The following MINK1 variants were observed in gnomAD, a reference collection of about 807,000 sequenced individuals.
MINK1 encodes the protein misshapen-like kinase 1.
In MINK1, 46 loss-of-function variants were observed where a neutral mutation model predicts 178.4. The observed-to-expected ratio is 0.26, with a 90% CI of 0.20 to 0.33. The LOEUF is 0.33. Ranked by LOEUF, MINK1 falls within the 10% of genes least tolerant of loss-of-function variation. The pLI, the probability that MINK1 is intolerant of heterozygous loss-of-function variation, is 1.00. For missense variants in MINK1, 1,366 were observed against 1,814.9 expected (o/e 0.75, Z 4.49); for synonymous variants, 797 against 709.7 (o/e 1.12, Z -1.96).
At chr17:4,863,213 G>A (rs1026916704) in intron 1 of MINK1, among the ~76,000 whole-genome samples, 2 of 152,176 alleles carry the variant, frequency 1.3e-5, no homozygotes, top group African/African-American at 4.8e-5. Context: ...GCTAGAGTCA[G>A]TTGGTCACTC....
At chr17:4,864,206 C>G (rs974693622) in intron 1 of MINK1, among the ~76,000 whole-genome samples, 1 of 150,286 alleles carries the variant, frequency 6.7e-6, no homozygotes, top group Non-Finnish European at 1.5e-5. Context: ...TCGAGACCAG[C>G]CTGACCGACA....
At chr17:4,889,866 TTCC>T (rs1382034431) in intron 13 of MINK1, 103 bp downstream of exon 13, 2 of 751,150 alleles carry the variant, frequency 2.7e-6, no homozygotes, top group East Asian at 2.9e-5. Context: ...CACCCCCAGA[TTCC>T]TCCTATCTTT....
At chr17:4,888,714 A>C (rs1968466842) in intron 12 of MINK1, among the ~76,000 whole-genome samples, 1 of 101,202 alleles carries the variant, frequency 9.9e-6, no homozygotes, top group Non-Finnish European at 1.9e-5. Context: ...TTTTTTTGAG[A>C]TGGAGTTTTG....
intron 4 of MINK1, 65 bp from the exon 5 acceptor site, chr17:4,884,298 G>A (rs1968003440): frequency 7.8e-7 from 1 of 1,277,400 alleles, no homozygotes; most frequent in African/African-American, 1.5e-5. Flanking sequence ...GCAGGGGATT[G>A]GGGCAGGGGT....
intron 1 of MINK1, among the ~76,000 whole-genome samples, chr17:4,837,346 C>T (rs929323500): frequency 1.3e-5 from 2 of 152,242 alleles, no homozygotes; most frequent in Non-Finnish European, 2.9e-5. Flanking sequence ...CCACTTACAA[C>T]ACAGTGCAGT....
Position 4,833,362 on chromosome 17 carries a change from G to A in MINK1, c.-222G>A, listed in dbSNP as rs1163673108. On this transcript the variant is annotated 5_prime_UTR_variant, in exon 1 of 32. Transcript: ENST00000355280. The surrounding 1 kb of genome is among the most constrained non-coding windows in gnomAD (Gnocchi z 4.8). ...CCCAGTGCGCGGTCGCTCCGCGCCTGCGCAGGAGAGGTGGTAGGCTCGGGT... is the reference window on the plus strand; with the variant it reads ...CCCAGTGCGCGGTCGCTCCGCGCCTACGCAGGAGAGGTGGTAGGCTCGGGT... 1 of 499,402 alleles carries A rather than the reference G, an allele frequency of 2.0e-6. No individual in the cohort carries two copies. Among genetic ancestry groups the A allele is most frequent in the African/African-American group, 2.1e-5 (1 of 48,566 alleles). The allele number at this position is 499,402 out of a possible 1,614,324, so 30.9% of individuals were successfully genotyped here. A position where few individuals can be genotyped will look rare whatever the true frequency, so the allele number is the denominator to read the frequency against.
rs749541363 is a variant in MINK1 at position 4,895,207 on chromosome 17, G to T, written c.3050G>T (p.Arg1017Leu). 6.2e-7 allele frequency: 1 copy of T among 1,614,114 alleles called. No homozygotes were observed. Among genetic ancestry groups the T allele is most frequent in the Non-Finnish European group, 8.5e-7 (1 of 1,180,016 alleles). Reference sequence around the variant, plus strand: ...CCTGAGATCCGGAAGTACAAGAAGCGATTCAACTCCGAGATCCTCTGTGCA... The same window carrying T: ...CCTGAGATCCGGAAGTACAAGAAGCTATTCAACTCCGAGATCCTCTGTGCA... Reference protein sequence around the residue: ...ETPEIRKYKKRFNSEILCAAL... With the variant: ...ETPEIRKYKKLFNSEILCAAL... The change falls in exon 25 of 32, where the codon CGA becomes CTA. Residue 1017 changes from arginine to leucine, a missense_variant. Arg to Leu is a moderately radical substitution (Grantham distance 102). Around this residue, in one of 14 missense-constraint regions of MINK1, gnomAD observed 42 missense variants for 64.0 expected, o/e 0.66. Coordinates refer to ENST00000355280, the MANE Select transcript of MINK1 (RefSeq NM_153827.5). The surrounding 1 kb of genome is among the most constrained non-coding windows in gnomAD (Gnocchi z 4.3).
In MINK1 at chr17:4,884,426, G is replaced by A. The variant is rs545655356; in HGVS notation, c.370G>A (p.Ala124Thr). ...TDLVKNTKGNALKEDCIAYIC... is the reference protein window; with the variant it reads ...TDLVKNTKGNTLKEDCIAYIC... ...CCTGGTAAAGAACACAAAAGGCAAC[G>A]CCCTGAAGGAGGACTGTATCGCCTA... Residue 124 changes from alanine (A) to threonine (T), a missense_variant, in exon 5 of 32, where the codon GCC (alanine) becomes ACC (threonine). Physicochemically the swap from Ala to Thr is moderately conservative, Grantham distance 58 (BLOSUM62 0). Around this residue, in one of 14 missense-constraint regions of MINK1, gnomAD observed 109 missense variants for 369.4 expected, o/e 0.30. Coordinates refer to ENST00000355280, the MANE Select transcript of MINK1 (RefSeq NM_153827.5). 16 of 1,613,912 alleles carry A rather than the reference G, an allele frequency of 9.9e-6. No homozygotes were observed. The highest frequency in any genetic ancestry group is 6.7e-5 in the African/African-American group (5 of 75,022).
chr17:4,845,325 C>T (rs992074600), intron 1 of MINK1, among the ~76,000 whole-genome samples: 7 of 152,302 alleles, frequency 4.6e-5, no homozygotes, highest in African/African-American at 1.7e-4. Context: ...TGCCACCCCC[C>T]AGCCATGACT....
rs192498979 is a variant in MINK1 at position 4,869,397 on chromosome 17, C to A, written c.58-8920C>A. ...AGTCAAGCAATTCTGCCTCAGCCTC[C>A]CTAGTAATTGGGACTACAGGTGCAT... is the stretch of plus-strand genomic sequence containing the variant. On this transcript the variant is annotated intron_variant, in intron 1 of 31. Transcript: ENST00000355280. 1.7e-3 allele frequency among the ~76,000 whole-genome samples: 255 copies of A among 152,024 alleles called. 1 individual carries two copies. Among genetic ancestry groups the A allele is most frequent in the Admixed American group, 3.5e-3 (53 of 15,226 alleles).
chr17:4,860,018 G>A (rs1196846611), intron 1 of MINK1, among the ~76,000 whole-genome samples: 1 of 151,066 alleles, frequency 6.6e-6, no homozygotes, highest in African/African-American at 2.4e-5. Flanking sequence ...GAAGGGGCGC[G>A]TCCGGGAACT....
intron 1 of MINK1, among the ~76,000 whole-genome samples, chr17:4,863,748 CAAATG>C (rs912506581): frequency 6.6e-6 from 1 of 151,772 alleles, no homozygotes; most frequent in Non-Finnish European, 1.5e-5. Context: ...GTACCAGGAA[CAAATG>C]AAATGCTCAA....
chr17:4,893,642 G>A (rs1969111503), intron 21 of MINK1, 45 bp downstream of exon 21: 2 of 1,500,788 alleles, frequency 1.3e-6, no homozygotes, highest in Middle Eastern at 2.3e-4. Context: ...GGCACAGGGA[G>A]GGAGGGGAAG....
rs1969405054 is a variant in MINK1, at chr17:4,895,910, G to A, written c.3364+78G>A. On this transcript the variant is annotated intron_variant, in intron 27 of 31. Coordinates refer to ENST00000355280, the MANE Select transcript of MINK1 (RefSeq NM_153827.5). The surrounding 1 kb of genome is among the most constrained non-coding windows in gnomAD (Gnocchi z 4.3). ...ATGGATCTGGGAGCCAGGGACTTGG[G>A]GCCTGGGTGGGGCAGTGTAGTGACA... is the stretch of plus-strand genomic sequence containing the variant. 1 of 1,574,880 alleles carries A rather than the reference G, an allele frequency of 6.3e-7. No individual in the cohort carries two copies. Among genetic ancestry groups the A allele is most frequent in the Non-Finnish European group, 8.6e-7 (1 of 1,159,030 alleles).
intron 1 of MINK1, among the ~76,000 whole-genome samples, chr17:4,855,666 A>G (rs913341336): frequency 6.7e-6 from 1 of 148,266 alleles, no homozygotes; most frequent in African/African-American, 2.5e-5. Flanking sequence ...GCTACTCGGG[A>G]GGCTGAGGCA....
chr17:4,838,967 G>A (rs531803797), intron 1 of MINK1, among the ~76,000 whole-genome samples: 16 of 147,736 alleles, frequency 1.1e-4, no homozygotes, highest in Non-Finnish European at 1.8e-4. Context: ...TTTTTGAGAC[G>A]CAGTCTCGCA....
chr17:4,885,518 G>A lies in MINK1; in HGVS notation c.544G>A (p.Val182Met), dbSNP rs745832932. 22 of 1,613,958 alleles carry A rather than the reference G, an allele frequency of 1.4e-5. No individual in the cohort carries two copies. The highest frequency in any genetic ancestry group is 1.1e-4 in the East Asian group (5 of 44,876). Reference sequence around the variant, plus strand: ...GGTGAGTGCTCAGCTGGACCGCACCGTGGGCAGACGGAACACTTTCATTGG... The same window carrying A: ...GGTGAGTGCTCAGCTGGACCGCACCATGGGCAGACGGAACACTTTCATTGG... ...FGVSAQLDRTVGRRNTFIGTP... is the reference protein window; with the variant it reads ...FGVSAQLDRTMGRRNTFIGTP... The change falls in exon 7 of 32, where the codon GTG (valine) becomes ATG (methionine). Residue 182 changes from valine to methionine, a missense_variant. By Grantham distance (21) the Val-to-Met change is conservative. This residue lies in a region of MINK1 where 109 missense variants were observed against 369.4 expected (regional missense o/e 0.30). Coordinates refer to ENST00000355280, the MANE Select transcript of MINK1 (RefSeq NM_153827.5). This position sits in a 1 kb window ranked among gnomAD's most constrained non-coding sequence, Gnocchi z 5.0.
At chr17:4,889,787 T>TGCCCTCCC (rs777448377) in intron 13 of MINK1, 24 bp downstream of exon 13, 17 of 1,390,392 alleles carry the variant, frequency 1.2e-5, no homozygotes, top group East Asian at 5.9e-5. Context: ...CCCGCATCCC[T>TGCCCTCCC]GCCCTCCCGC....
In MINK1 at chr17:4,893,076, C is replaced by T. The variant is rs1969031298; in HGVS notation, c.2400+9C>T. ...GGCCAGGCCGGCCCGCAGTGAGTCA[C>T]CTGGTGGCAGGCATGGCCTGCCTCA... is the stretch of plus-strand genomic sequence containing the variant. On this transcript the variant is annotated intron_variant, in intron 20 of 31. Transcript: ENST00000355280. 1 of 1,556,158 alleles carries T rather than the reference C, an allele frequency of 6.4e-7. No individual in the cohort carries two copies. Among genetic ancestry groups the T allele is most frequent in the Non-Finnish European group, 8.7e-7 (1 of 1,151,900 alleles).
Sources: allele counts gnomAD v4.1 joint callset (sites outside exome capture counted in the v4.1 genomes callset), GRCh38; gene constraint gnomAD v4.1.1; regional missense constraint gnomAD v4.1.1; non-coding constraint Gnocchi (gnomAD v3.1); transcripts MANE v1.5; gene names NCBI Gene and HGNC (gene_info 2026-07-23, HGNC 2026-07-21).